The following PRELID2 variants were observed in gnomAD, a reference collection of about 807,000 sequenced individuals.
PRELID2 encodes PRELI domain-containing protein 2.
In PRELID2, 25 loss-of-function variants were observed where a neutral mutation model predicts 28.4. The observed-to-expected ratio is 0.88, with a 90% CI of 0.64 to 1.23. The LOEUF is 1.23. PRELID2 is among the 50% of genes most tolerant of loss of function. The probability of loss-of-function intolerance (pLI) is 0.00; values close to 1 mark genes in which losing one functional copy is unlikely to be tolerated. For synonymous variants in PRELID2, 76 were observed against 71.6 expected (o/e 1.06, Z -0.31); for missense variants, 201 against 214.4 (o/e 0.94, Z 0.39).
intron 1 of PRELID2, among the ~76,000 whole-genome samples, chr5:145,586,835 A>C (rs1429152640): frequency 6.6e-6 from 1 of 152,174 alleles, no homozygotes; most frequent in Non-Finnish European, 1.5e-5. Context: ...AAATATATAG[A>C]TGGTTATAAA....
At chr5:145,707,900 T>C (rs945658735) in intron 1 of PRELID2, among the ~76,000 whole-genome samples, 5 of 152,190 alleles carry the variant, frequency 3.3e-5, no homozygotes, top group Non-Finnish European at 7.3e-5. Context: ...ACACCCAGCA[T>C]GCTGCGTGAC....
At chr5:145,781,734 ATATATATACTATATC>A (rs957620045) in intron 5 of PRELID2, among the ~76,000 whole-genome samples, 2 of 146,188 alleles carry the variant, frequency 1.4e-5, no homozygotes, top group Non-Finnish European at 3.0e-5. Context: ...TATATATACT[ATATATATACTATATC>A]TATATATATA....
chr5:145,504,036 C>A (rs1017310736), intron 1 of PRELID2, among the ~76,000 whole-genome samples: 1 of 152,110 alleles, frequency 6.6e-6, no homozygotes, highest in African/African-American at 2.4e-5. Flanking sequence ...AGAGGCTTGC[C>A]CAATTTGCCC....
chr5:145,735,163 T>C (rs1336729312), intron 1 of PRELID2, among the ~76,000 whole-genome samples: 1 of 150,890 alleles, frequency 6.6e-6, no homozygotes, highest in Non-Finnish European at 1.5e-5. Context: ...GACAATTGCT[T>C]GAACCCAGGA....
chr5:145,660,199 C>CTTTGG (rs1754466616), intron 1 of PRELID2, among the ~76,000 whole-genome samples: 2 of 152,130 alleles, frequency 1.3e-5, no homozygotes, highest in African/African-American at 4.8e-5. Flanking sequence ...GAGGACAGCA[C>CTTTGG]AGTGGTTAAG....
intron 1 of PRELID2, among the ~76,000 whole-genome samples, chr5:145,661,296 G>A (rs116123659): frequency 2.6e-5 from 4 of 152,032 alleles, no homozygotes; most frequent in African/African-American, 9.7e-5. Flanking sequence ...GTAAGCATAC[G>A]GTCTCTTTTG....
the PRELID2 span, among the ~76,000 whole-genome samples, chr5:145,442,181 C>T: frequency 6.6e-6 from 1 of 152,046 alleles, no homozygotes; most frequent in African/African-American, 2.4e-5. Context: ...TTATACAATC[C>T]TGAACTTTCA....
chr5:145,474,753 G>A (rs1752084017), intron 1 of PRELID2, among the ~76,000 whole-genome samples: 1 of 152,160 alleles, frequency 6.6e-6, no homozygotes. Flanking sequence ...AAGTTGGGAT[G>A]TGCATGCTAC....
At chr5:145,796,875 G>A (rs1213565461) in intron 4 of PRELID2, among the ~76,000 whole-genome samples, 2 of 152,162 alleles carry the variant, frequency 1.3e-5, no homozygotes, top group African/African-American at 2.4e-5. Context: ...AAATGGGAAC[G>A]ACCATAGTAT....
At chr5:145,388,966 G>A in the PRELID2 span, among the ~76,000 whole-genome samples, 6 of 152,076 alleles carry the variant, frequency 3.9e-5, no homozygotes, top group African/African-American at 9.6e-5. Flanking sequence ...TCTACCATAA[G>A]CATGATGTAC....
At chr5:145,537,273 A>G (rs1236979178) in intron 1 of PRELID2, among the ~76,000 whole-genome samples, 1 of 151,876 alleles carries the variant, frequency 6.6e-6, no homozygotes, top group Non-Finnish European at 1.5e-5. Flanking sequence ...TGGGCTGTAT[A>G]GACTAGTAGG....
chr5:145,232,009 C>T, the PRELID2 span, among the ~76,000 whole-genome samples: 2 of 152,050 alleles, frequency 1.3e-5, no homozygotes, highest in African/African-American at 4.8e-5. Flanking sequence ...TGCACACACG[C>T]TCACTCATGC....
At chr5:145,822,078 G>A (rs1754868312) in intron 2 of PRELID2, among the ~76,000 whole-genome samples, 1 of 152,166 alleles carries the variant, frequency 6.6e-6, no homozygotes, top group South Asian at 2.1e-4. Context: ...ACCAAGCACA[G>A]AGAGGGCTTC....
chr5:145,392,664 A>C, the PRELID2 span, among the ~76,000 whole-genome samples: 1 of 152,066 alleles, frequency 6.6e-6, no homozygotes, highest in Non-Finnish European at 1.5e-5. Context: ...GACATCACAT[A>C]ATGAAAGAGA....
rs10643402 is a variant in PRELID2 at position 145,488,123 on chromosome 5, CA to C, written n.71-14809del. Among the ~76,000 whole-genome samples, 347 of 101,348 alleles carry C rather than the reference CA, an allele frequency of 3.4e-3. 3 individuals carry two copies. Among genetic ancestry groups the C allele is most frequent in the African/African-American group, 9.8e-3 (252 of 25,648 alleles). The allele number at this position is 101,348 out of a possible 152,430, so 66.5% of individuals were successfully genotyped here. ...TGGGCAACAGAGCGAGACTCTGTCT[CA>C]AAAAAAAAAAAAAAAAAGGAATTGG... On this transcript the variant is annotated intron_variant and non_coding_transcript_variant, in intron 1 of 2. Coordinates refer to the PRELID2 transcript ENST00000510259.
At chr5:145,427,174 G>A in the PRELID2 span, among the ~76,000 whole-genome samples, 1 of 152,232 alleles carries the variant, frequency 6.6e-6, no homozygotes, top group Non-Finnish European at 1.5e-5. Context: ...TGCCTGCCAG[G>A]CAGAATCTGC....
chr5:145,240,366 C>A, the PRELID2 span, among the ~76,000 whole-genome samples: 1 of 151,902 alleles, frequency 6.6e-6, no homozygotes, highest in South Asian at 2.1e-4. Flanking sequence ...TTGTTTCTGT[C>A]TTTTCCAAGG....
intron 1 of PRELID2, among the ~76,000 whole-genome samples, chr5:145,732,521 G>A (rs1349762675): frequency 6.6e-6 from 1 of 152,176 alleles, no homozygotes; most frequent in Non-Finnish European, 1.5e-5. Flanking sequence ...TGTGACTAGT[G>A]AGACCTAGAA....
chr5:145,281,725 T>C, the PRELID2 span, among the ~76,000 whole-genome samples: 1 of 152,294 alleles, frequency 6.6e-6, no homozygotes, highest in East Asian at 1.9e-4. Context: ...TCTAGTTACT[T>C]AACAATTACA....
Sources: gnomAD v4.1 joint callset for allele counts (sites outside exome capture counted in the v4.1 genomes callset) on GRCh38, gnomAD v4.1.1 for gene constraint, MANE v1.5 for transcripts, NCBI Gene and HGNC (gene_info 2026-07-23, HGNC 2026-07-21) for gene names.